Variants in FAM228B observed in about 807,000 individuals in gnomAD.
FAM228B encodes family with sequence similarity 228 member B, also known as protein FAM228B.
A neutral mutation model predicts 42.6 loss-of-function variants in FAM228B; 38 were observed. The ratio of observed to expected loss-of-function variants is 0.89; its 90% confidence interval spans 0.69 to 1.17. FAM228B has a LOEUF of 1.17. Ranked by LOEUF, FAM228B falls within the 50% of genes most tolerant of loss-of-function variation. FAM228B has a pLI of 0.00. For missense variants in FAM228B, 344 were observed against 367.3 expected (o/e 0.94, Z 0.52); for synonymous variants, 109 against 122.3 (o/e 0.89, Z 0.72).
intron 7 of FAM228B, among the ~76,000 whole-genome samples, chr2:24,148,607 G>C (rs1288088704): frequency 6.6e-6 from 1 of 151,858 alleles, no homozygotes; most frequent in Non-Finnish European, 1.5e-5. Context: ...GTACATAGTA[G>C]GTGTATATAT....
chr2:24,144,058 G>A (rs768890490), intron 5 of FAM228B, among the ~76,000 whole-genome samples: 3 of 151,992 alleles, frequency 2.0e-5, no homozygotes, highest in Admixed American at 6.6e-5. Flanking sequence ...TTTATGATGT[G>A]TAAGTGCTTG....
intron 3 of FAM228B, among the ~76,000 whole-genome samples, chr2:24,116,371 T>C (rs1178732111): frequency 6.6e-6 from 1 of 151,990 alleles, no homozygotes; most frequent in Non-Finnish European, 1.5e-5. Flanking sequence ...TGTACTCACG[T>C]TTTAAAGATG....
intron 2 of FAM228B, among the ~76,000 whole-genome samples, chr2:24,127,669 CTT>C (rs777600951): frequency 6.9e-6 from 1 of 145,500 alleles, no homozygotes; most frequent in African/African-American, 2.5e-5. Flanking sequence ...GCCATTATTT[CTT>C]TTTTTTTTTT....
intron 5 of FAM228B, among the ~76,000 whole-genome samples, chr2:24,140,716 C>T (rs1666721911): frequency 2.0e-5 from 3 of 151,742 alleles, no homozygotes; most frequent in Admixed American, 6.6e-5. Context: ...AATCCTAGCA[C>T]TTTGGGAGGC....
At chr2:24,119,753 AC>A, upstream of FAM228B, 1 of 1,106,966 alleles carries the variant, frequency 9.0e-7, no homozygotes. Flanking sequence ...TGCTCCAGCT[AC>A]GTTTTTCACC....
chr2:24,083,760 G>A lies in FAM228B; in HGVS notation c.-210+2805G>A, dbSNP rs535898750. On this transcript the variant is annotated intron_variant, in intron 2 of 10. Coordinates refer to the FAM228B transcript ENST00000613899. ...CTCCGGGACTCTCAGAGTGGAAAGA[G>A]TTAAGAGGTCTTTGGAGCCACAAAG... is the stretch of plus-strand genomic sequence containing the variant. Among the ~76,000 whole-genome samples the A allele has an allele frequency of 1.4e-4, 22 of 152,304 alleles. No homozygotes were observed. The South Asian group carries it at 4.6e-3, about 32-fold the overall frequency.
At chr2:24,161,635 T>G (rs1485048896) in intron 8 of FAM228B, 22 bp downstream of exon 8, 3 of 1,358,244 alleles carry the variant, frequency 2.2e-6, no homozygotes, top group African/African-American at 1.4e-5. Flanking sequence ...CTTCCATAGC[T>G]TTGCTCTTCT....
chr2:24,093,383 T>C (rs188371190), intron 2 of FAM228B, among the ~76,000 whole-genome samples: 2 of 152,244 alleles, frequency 1.3e-5, no homozygotes, highest in Admixed American at 1.3e-4. Flanking sequence ...CTCCCACTTA[T>C]GAGTGAGAAC....
chr2:24,081,911 G>A (rs1217017155), intron 2 of FAM228B, among the ~76,000 whole-genome samples: 1 of 151,906 alleles, frequency 6.6e-6, no homozygotes, highest in African/African-American at 2.4e-5. Flanking sequence ...TAGCCAGGAT[G>A]GTCTCGATCT....
In FAM228B at chr2:24,155,290, T is replaced by C. The variant is rs149274029; in HGVS notation, c.687-6216T>C. 7.9e-5 allele frequency among the ~76,000 whole-genome samples: 12 copies of C among 152,002 alleles called. No individual in the cohort carries two copies. In the East Asian group the frequency reaches 2.3e-3, roughly 29 times the overall value. On this transcript the variant is annotated intron_variant, in intron 7 of 10. Transcript: ENST00000615575. Reference sequence around the variant, plus strand: ...GTTTGTTTCCACCCTTACTTACTTATTAATGACCACCATTAATGACTGGTG... The same window carrying C: ...GTTTGTTTCCACCCTTACTTACTTACTAATGACCACCATTAATGACTGGTG...
chr2:24,147,916 C>CT (rs34823316), intron 7 of FAM228B, among the ~76,000 whole-genome samples: 2,149 of 119,148 alleles, frequency 0.018, 25 homozygotes, highest in Middle Eastern at 0.053. Flanking sequence ...TTTGCCTTGC[C>CT]TTTTTTTTTT....
intron 3 of FAM228B, chr2:24,115,601 T>A: frequency 6.2e-7 from 1 of 1,612,922 alleles, no homozygotes; most frequent in Non-Finnish European, 8.5e-7. Flanking sequence ...CTTTTTTTCT[T>A]AGGTAGTCTC....
chr2:24,098,448 A>G (rs1460395270), intron 3 of FAM228B, among the ~76,000 whole-genome samples: 1 of 152,204 alleles, frequency 6.6e-6, no homozygotes, highest in Non-Finnish European at 1.5e-5. Flanking sequence ...GATAAAGGGG[A>G]TATCACCACC....
intron 3 of FAM228B, among the ~76,000 whole-genome samples, chr2:24,106,331 T>TTTC (rs1665698695): frequency 1.3e-5 from 2 of 148,884 alleles, no homozygotes; most frequent in Non-Finnish European, 3.0e-5. Context: ...TTTTTTTTTT[T>TTTC]TTTTTTTGAG....
At chr2:24,086,854 G>C (rs1424233026) in intron 2 of FAM228B, among the ~76,000 whole-genome samples, 4 of 152,000 alleles carry the variant, frequency 2.6e-5, no homozygotes, top group Non-Finnish European at 5.9e-5. Flanking sequence ...TCGAGGAAAG[G>C]TTTGAACCAA....
At chr2:24,108,948 A>G (rs1478325970) in intron 3 of FAM228B, among the ~76,000 whole-genome samples, 2 of 151,866 alleles carry the variant, frequency 1.3e-5, no homozygotes, top group East Asian at 1.9e-4. Flanking sequence ...ATATGGAACC[A>G]AAAAAGAGCT....
upstream of FAM228B, chr2:24,122,472 C>A (rs766929751): frequency 1.2e-6 from 2 of 1,614,032 alleles, no homozygotes; most frequent in Non-Finnish European, 1.7e-6. Flanking sequence ...TTGATGAGGG[C>A]TGCACTGTCC....
chr2:24,091,000 C>T (rs1573730881), intron 2 of FAM228B, among the ~76,000 whole-genome samples: 2 of 152,224 alleles, frequency 1.3e-5, no homozygotes. Context: ...CGAGGTTATG[C>T]CATGTTGCCC....
chr2:24,162,959 T>C (rs913088935), intron 8 of FAM228B, among the ~76,000 whole-genome samples: 3 of 151,996 alleles, frequency 2.0e-5, no homozygotes, highest in Non-Finnish European at 4.4e-5. Flanking sequence ...AGCCTTGGGG[T>C]TAATGAAAAT....
Sources: allele counts gnomAD v4.1 joint callset (sites outside exome capture counted in the v4.1 genomes callset), GRCh38; gene constraint gnomAD v4.1.1; transcripts MANE v1.5; gene names NCBI Gene and HGNC (gene_info 2026-07-23, HGNC 2026-07-21).